ATF3: variants seen among roughly 807,000 people sequenced by gnomAD.
ATF3 encodes cyclic AMP-dependent transcription factor ATF-3.
In ATF3, 10 loss-of-function variants were observed where a neutral mutation model predicts 18.4. The observed-to-expected ratio is 0.54, with a 90% CI of 0.34 to 0.92. The LOEUF is 0.92. Among genes scored for constraint, ATF3 ranks in the 40% least tolerant of loss-of-function variants. The pLI, the probability that ATF3 is intolerant of heterozygous loss-of-function variation, is 0.02. For missense variants in ATF3, 183 were observed against 222.3 expected (o/e 0.82, Z 1.12); for synonymous variants, 78 against 87.9 (o/e 0.89, Z 0.63).
At chr1:212,589,613 G>T (rs1664844150) in intron 1 of ATF3, among the ~76,000 whole-genome samples, 1 of 151,666 alleles carries the variant, frequency 6.6e-6, no homozygotes, top group Admixed American at 6.6e-5. Flanking sequence ...CCCCAGGAAG[G>T]TGGAGGTGGC....
chr1:212,591,208 A>C (rs1225648837), intron 1 of ATF3, among the ~76,000 whole-genome samples: 2 of 152,076 alleles, frequency 1.3e-5, no homozygotes, highest in African/African-American at 4.8e-5. Context: ...ATGTGTTAAG[A>C]CCCATCTTCC....
At chr1:212,586,964 C>T (rs561457254) in intron 1 of ATF3, among the ~76,000 whole-genome samples, 192 of 152,272 alleles carry the variant, frequency 1.3e-3, no homozygotes, top group African/African-American at 3.5e-3. Context: ...CTGGGCCCTC[C>T]GCAGGGCAGA....
intron 1 of ATF3, among the ~76,000 whole-genome samples, chr1:212,585,650 T>C (rs941885391): frequency 5.9e-5 from 9 of 152,172 alleles, no homozygotes; most frequent in African/African-American, 2.2e-4. Context: ...ATTTTGTAAT[T>C]CTTAGTTTCT....
intron 1 of ATF3, among the ~76,000 whole-genome samples, chr1:212,581,862 T>A (rs1303917822): frequency 6.6e-6 from 1 of 152,192 alleles, no homozygotes; most frequent in Non-Finnish European, 1.5e-5. Context: ...CTTAAGGAAA[T>A]ATAGTTTTAT....
At chr1:212,583,415 C>T (rs1664720454) in intron 1 of ATF3, among the ~76,000 whole-genome samples, 2 of 152,164 alleles carry the variant, frequency 1.3e-5, no homozygotes, top group Non-Finnish European at 2.9e-5. Flanking sequence ...GCACACACAG[C>T]AGGTTTAACT....
At chr1:212,605,190 A>AT (rs1299568671), upstream of ATF3, among the ~76,000 whole-genome samples, 1 of 152,192 alleles carries the variant, frequency 6.6e-6, no homozygotes, top group Non-Finnish European at 1.5e-5. Flanking sequence ...TGTTAGTGCC[A>AT]TTTTTCATTT....
chr1:212,602,791 A>G (rs1464639693), intron 1 of ATF3, among the ~76,000 whole-genome samples: 1 of 152,224 alleles, frequency 6.6e-6, no homozygotes, highest in East Asian at 1.9e-4. Context: ...AAGGGAGGGA[A>G]CTAATCCTCT....
intron 1 of ATF3, among the ~76,000 whole-genome samples, chr1:212,596,404 C>G (rs1211543514): frequency 6.6e-6 from 1 of 152,184 alleles, no homozygotes; most frequent in Non-Finnish European, 1.5e-5. Context: ...TACTTTATAA[C>G]AATAATAGTG....
chr1:212,581,257 T>C (rs998895271), intron 1 of ATF3, among the ~76,000 whole-genome samples: 7 of 152,154 alleles, frequency 4.6e-5, no homozygotes, highest in Non-Finnish European at 8.8e-5. Context: ...GCTCTTGGAG[T>C]TCTTGGTCTT....
chr1:212,573,912 C>T (rs1664525946), intron 1 of ATF3, among the ~76,000 whole-genome samples: 1 of 150,724 alleles, frequency 6.6e-6, no homozygotes, highest in African/African-American at 2.4e-5. Flanking sequence ...CTGAACCTCC[C>T]CTTTTTATTT....
chr1:212,591,040 C>T (rs528289893), intron 1 of ATF3, among the ~76,000 whole-genome samples: 4 of 152,362 alleles, frequency 2.6e-5, no homozygotes, highest in Non-Finnish European at 5.9e-5. Flanking sequence ...CGTCCACCAT[C>T]TGATCCCAAC....
intron 1 of ATF3, among the ~76,000 whole-genome samples, chr1:212,581,219 C>A (rs777683254): frequency 1.4e-4 from 21 of 152,188 alleles, no homozygotes; most frequent in South Asian, 4.1e-4. Context: ...AGGGCTGGCG[C>A]GTGCGCAGGT....
At chr1:212,586,256 C>G (rs1664778427) in intron 1 of ATF3, among the ~76,000 whole-genome samples, 1 of 152,122 alleles carries the variant, frequency 6.6e-6, no homozygotes, top group South Asian at 2.1e-4. Context: ...TCTCTTGACC[C>G]AGAGCTTGAC....
intron 1 of ATF3, among the ~76,000 whole-genome samples, chr1:212,582,580 CT>C (rs1664703971): frequency 6.6e-6 from 1 of 152,170 alleles, no homozygotes; most frequent in Admixed American, 6.5e-5. Flanking sequence ...AAAATAATGC[CT>C]GAAAGAAGGC....
chr1:212,619,877 A>C lies in ATF3; in HGVS notation c.*322A>C. 3.1e-6 allele frequency: 1 copy of C among 321,908 alleles called. No homozygotes were observed. 19.9% of individuals were successfully genotyped at this position (321,908 alleles called of 1,614,324 possible). A position where few individuals can be genotyped will look rare whatever the true frequency, so the allele number is the denominator to read the frequency against. ...GATTCTACAAAAAACCAGGATGCCC[A>C]CCGTTAGGATTCAGGCAGCAGTGTC... On this transcript the variant is annotated 3_prime_UTR_variant, in exon 4 of 4. Transcript: ENST00000341491. The surrounding 1 kb of genome is among the most constrained non-coding windows in gnomAD (Gnocchi z 4.4).
chr1:212,574,094 G>A (rs1351305359), intron 1 of ATF3, among the ~76,000 whole-genome samples: 1 of 151,036 alleles, frequency 6.6e-6, no homozygotes, highest in East Asian at 1.9e-4. Context: ...GATTTCTTAG[G>A]GATTTTGTTG....
chr1:212,580,968 C>T (rs2102626954), intron 1 of ATF3, among the ~76,000 whole-genome samples: 1 of 152,052 alleles, frequency 6.6e-6, no homozygotes, highest in South Asian at 2.1e-4. Context: ...AGGGTTTCAC[C>T]ACGTTGGGCA....
intron 2 of ATF3, among the ~76,000 whole-genome samples, chr1:212,615,783 G>A (rs1394830728): frequency 6.8e-6 from 1 of 147,704 alleles, no homozygotes; most frequent in Non-Finnish European, 1.5e-5. Flanking sequence ...CAGCCTGGGT[G>A]ATGGAGCAAG....
chr1:212,581,163 A>T (rs1489021276), intron 1 of ATF3, among the ~76,000 whole-genome samples: 1 of 152,234 alleles, frequency 6.6e-6, no homozygotes, highest in Non-Finnish European at 1.5e-5. Context: ...AGTTTTCATG[A>T]GGACATGCAA....
Sources: gnomAD v4.1 joint callset for allele counts (sites outside exome capture counted in the v4.1 genomes callset) on GRCh38, gnomAD v4.1.1 for gene constraint, Gnocchi (gnomAD v3.1) non-coding constraint, MANE v1.5 for transcripts, NCBI Gene and HGNC (gene_info 2026-07-23, HGNC 2026-07-21) for gene names.